The following CRY1 variants were observed in gnomAD, a reference collection of about 807,000 sequenced individuals.
CRY1 encodes the protein cryptochrome circadian regulator 1.
CRY1 carries 45 observed loss-of-function variants against 76.0 expected under a neutral mutation model. That is an observed-to-expected ratio of 0.59 (90% confidence interval 0.47 to 0.76). The LOEUF is 0.76. Among genes scored for constraint, CRY1 ranks in the 30% least tolerant of loss-of-function variants. CRY1 has a pLI of 0.00. For missense variants in CRY1, 587 were observed against 716.4 expected (o/e 0.82, Z 2.06); for synonymous variants, 248 against 244.0 (o/e 1.02, Z -0.15).
chr12:107,023,939 G>A (rs1952582879), intron 1 of CRY1, among the ~76,000 whole-genome samples: 1 of 152,202 alleles, frequency 6.6e-6, no homozygotes, highest in Admixed American at 6.5e-5. Context: ...AATTTATCAT[G>A]TCTGGTGACA....
chr12:107,053,702 G>A (rs1487683506), intron 1 of CRY1, among the ~76,000 whole-genome samples: 1 of 152,220 alleles, frequency 6.6e-6, no homozygotes, highest in Non-Finnish European at 1.5e-5. Flanking sequence ...CAAAGCTGAT[G>A]AAAGATAGCA....
At chr12:107,004,956 G>C (rs1952353225) in intron 3 of CRY1, 150 bp downstream of exon 3, 1 of 644,232 alleles carries the variant, frequency 1.6e-6, no homozygotes, top group African/African-American at 1.8e-5. Flanking sequence ...CCATAACTCT[G>C]TGAAGTACAT....
At chr12:107,039,482 AAAC>A (rs1371760337) in intron 1 of CRY1, among the ~76,000 whole-genome samples, 2 of 152,240 alleles carry the variant, frequency 1.3e-5, no homozygotes, top group African/African-American at 4.8e-5. Context: ...CAATAACAGA[AAAC>A]AACCCGTTAA....
At chr12:107,021,257 TG>T (rs767874371) in intron 2 of CRY1, among the ~76,000 whole-genome samples, 5 of 152,044 alleles carry the variant, frequency 3.3e-5, no homozygotes, top group African/African-American at 4.8e-5. Flanking sequence ...CACTCTAGCC[TG>T]GGCGACAAGA....
chr12:107,069,635 T>C (rs1330570292), intron 1 of CRY1, among the ~76,000 whole-genome samples: 3 of 134,696 alleles, frequency 2.2e-5, no homozygotes, highest in African/African-American at 8.2e-5. Context: ...ATATAAAGTA[T>C]ATATATAAAA....
At chr12:107,061,221 C>T (rs184895191) in intron 1 of CRY1, among the ~76,000 whole-genome samples, 18 of 151,966 alleles carry the variant, frequency 1.2e-4, no homozygotes, top group South Asian at 2.1e-4. Context: ...TAACAATGAT[C>T]GTTTTCTACC....
intron 1 of CRY1, among the ~76,000 whole-genome samples, chr12:107,080,840 T>C (rs1953314583): frequency 6.6e-6 from 1 of 151,836 alleles, no homozygotes; most frequent in East Asian, 1.9e-4. Context: ...GCTCAAGAAA[T>C]TGGCTACAAA....
intron 1 of CRY1, among the ~76,000 whole-genome samples, chr12:107,042,643 G>A (rs1455914305): frequency 3.3e-5 from 5 of 152,120 alleles, no homozygotes; most frequent in East Asian, 3.8e-4. Context: ...AGCACTCATC[G>A]CCATCACAAA....
intron 1 of CRY1, among the ~76,000 whole-genome samples, chr12:107,090,712 G>T (rs1000518257): frequency 6.6e-6 from 1 of 152,172 alleles, no homozygotes; most frequent in Admixed American, 6.5e-5. Context: ...ATGGTTGGAT[G>T]AATAAATGGC....
At chr12:107,069,576 A>C in intron 1 of CRY1, among the ~76,000 whole-genome samples, 1 of 135,950 alleles carries the variant, frequency 7.4e-6, no homozygotes, top group African/African-American at 2.7e-5. Context: ...TATATAAAGT[A>C]TATATATAAA....
intron 2 of CRY1, among the ~76,000 whole-genome samples, chr12:107,005,785 T>A: frequency 6.6e-6 from 1 of 152,072 alleles, no homozygotes; most frequent in Non-Finnish European, 1.5e-5. Context: ...AATATTTTCT[T>A]TCTGATTACT....
chr12:107,079,252 C>T (rs999572850), intron 1 of CRY1, among the ~76,000 whole-genome samples: 3 of 152,114 alleles, frequency 2.0e-5, no homozygotes, highest in African/African-American at 7.2e-5. Context: ...CCCAAAAGAG[C>T]CAATGAAGTG....
At chr12:107,007,700 A>T (rs2136829215) in intron 2 of CRY1, among the ~76,000 whole-genome samples, 1 of 151,938 alleles carries the variant, frequency 6.6e-6, no homozygotes, top group East Asian at 1.9e-4. Context: ...CAGCTAACTT[A>T]ATTTTTTTTC....
rs143259550 is a variant in CRY1 at position 107,073,497 on chromosome 12, A to G, written c.158+19307T>C. Among the ~76,000 whole-genome samples, 1,059 of 152,232 alleles carry G rather than the reference A, an allele frequency of 7.0e-3. 19 individuals are homozygous for G. The highest frequency in any genetic ancestry group is 0.024 in the African/African-American group (1,016 of 41,554). ...ATCCCAGCACTTTGGGAGGCTGCAG[A>G]GGGCAGATCACTTGAGGTCAGGAGT... On this transcript the variant is annotated intron_variant, in intron 1 of 12. Coordinates refer to ENST00000008527, the MANE Select transcript of CRY1 (RefSeq NM_004075.5).
At chr12:107,067,299 CCTTA>C (rs1263694417) in intron 1 of CRY1, among the ~76,000 whole-genome samples, 1 of 152,062 alleles carries the variant, frequency 6.6e-6, no homozygotes, top group Non-Finnish European at 1.5e-5. Flanking sequence ...AGTTGCCAGC[CCTTA>C]CTTAGTCTAT....
chr12:107,076,665 A>T (rs1824237662), intron 1 of CRY1, among the ~76,000 whole-genome samples: 1 of 151,956 alleles, frequency 6.6e-6, no homozygotes, highest in South Asian at 2.1e-4. Flanking sequence ...ACACTGACTC[A>T]TGTATCTTCA....
chr12:107,006,538 T>C (rs1258149252), intron 2 of CRY1, among the ~76,000 whole-genome samples: 3 of 151,858 alleles, frequency 2.0e-5, no homozygotes, highest in Non-Finnish European at 4.4e-5. Context: ...TGATAGGCTG[T>C]CAAATTATGT....
At chr12:107,035,489 A>G (rs1403550065) in intron 1 of CRY1, among the ~76,000 whole-genome samples, 1 of 152,246 alleles carries the variant, frequency 6.6e-6, no homozygotes, top group Non-Finnish European at 1.5e-5. Flanking sequence ...AAGTGTGTAT[A>G]AGACACTGCT....
Position 107,092,975 on chromosome 12 carries a change from GC to G in CRY1, c.-15del. 6.6e-7 allele frequency: 1 copy of G among 1,525,788 alleles called. No individual in the cohort carries two copies. The highest frequency in any genetic ancestry group is 1.3e-5 in the South Asian group (1 of 77,388). 94.5% of individuals were successfully genotyped at this position (1,525,788 alleles called of 1,614,324 possible). On this transcript the variant is annotated 5_prime_UTR_variant, in exon 1 of 13. Transcript: ENST00000008527. ...GTTCACCCCCATGCCGGGGGGCGCG[GC>G]GGGTCCTCCACGGAGAAATTCAAGG...
Sources: gnomAD v4.1 joint callset for allele counts (sites outside exome capture counted in the v4.1 genomes callset) on GRCh38, gnomAD v4.1.1 for gene constraint, MANE v1.5 for transcripts, NCBI Gene and HGNC (gene_info 2026-07-23, HGNC 2026-07-21) for gene names.